Variants in KIF6 observed in about 807,000 individuals in gnomAD.
KIF6 encodes the protein kinesin family member 6.
KIF6 carries 106 observed loss-of-function variants against 112.7 expected under a neutral mutation model. That is an observed-to-expected ratio of 0.94 (90% CI 0.80 to 1.11). The LOEUF (loss-of-function observed/expected upper bound fraction) is 1.11, where lower values mean the gene tolerates loss of function less well. Among genes scored for constraint, KIF6 ranks in the 50% least tolerant of loss-of-function variants. The pLI is 0.00. For missense variants in KIF6, 929 were observed against 964.0 expected (o/e 0.96, Z 0.48); for synonymous variants, 339 against 339.9 (o/e 1.00, Z 0.03).
chr6:39,433,247 C>A (rs1358695729), intron 13 of KIF6, among the ~76,000 whole-genome samples: 1 of 152,212 alleles, frequency 6.6e-6, no homozygotes, highest in Non-Finnish European at 1.5e-5. Context: ...CACGAAACAA[C>A]ATGAAACACA....
At chr6:39,453,742 A>G (rs545748197) in intron 13 of KIF6, among the ~76,000 whole-genome samples, 3 of 152,398 alleles carry the variant, frequency 2.0e-5, no homozygotes, top group East Asian at 3.9e-4. Context: ...TATAACAGTC[A>G]TTAATCACCT....
At chr6:39,467,065 G>A (rs969281429) in intron 13 of KIF6, among the ~76,000 whole-genome samples, 7 of 152,198 alleles carry the variant, frequency 4.6e-5, no homozygotes, top group African/African-American at 1.7e-4. Flanking sequence ...ACAACAGAGA[G>A]CTTTATAGCT....
rs147432294 is a variant in KIF6 at position 39,546,406 on chromosome 6, T to A, written c.1182-718A>T. ...ACCTCTTTTCCCTTAATCATCTCTTTATCTCCTCTCTATACTGACTCCTTC... is the reference window on the plus strand; with the variant it reads ...ACCTCTTTTCCCTTAATCATCTCTTAATCTCCTCTCTATACTGACTCCTTC... On this transcript the variant is annotated intron_variant, in intron 10 of 22. Coordinates refer to ENST00000287152, the MANE Select transcript of KIF6 (RefSeq NM_145027.6). 1.5e-3 allele frequency among the ~76,000 whole-genome samples: 226 copies of A among 152,342 alleles called. 1 individual carries two copies. Among genetic ancestry groups the A allele is most frequent in the African/African-American group, 4.9e-3 (205 of 41,568 alleles).
intron 13 of KIF6, among the ~76,000 whole-genome samples, chr6:39,514,270 A>T (rs935881118): frequency 6.6e-6 from 1 of 152,234 alleles, no homozygotes; most frequent in Non-Finnish European, 1.5e-5. Flanking sequence ...AAAGTCGAAG[A>T]TTTTAAGAAC....
intron 4 of KIF6, among the ~76,000 whole-genome samples, chr6:39,637,959 G>C (rs894651594): frequency 6.6e-6 from 1 of 151,944 alleles, no homozygotes; most frequent in Non-Finnish European, 1.5e-5. Flanking sequence ...TAAGTACTAA[G>C]GAGACATTTA....
At chr6:39,371,019 T>A (rs556881450) in intron 16 of KIF6, among the ~76,000 whole-genome samples, 64 of 152,170 alleles carry the variant, frequency 4.2e-4, no homozygotes, top group Non-Finnish European at 7.1e-4. Context: ...TGCTGGTAAG[T>A]GTTTAACAAC....
At chr6:39,433,936 C>T (rs1388137516) in intron 13 of KIF6, among the ~76,000 whole-genome samples, 1 of 152,120 alleles carries the variant, frequency 6.6e-6, no homozygotes, top group Non-Finnish European at 1.5e-5. Context: ...CACTTCTCAC[C>T]CCATTTTGGG....
chr6:39,481,503 C>T (rs1029588624), intron 13 of KIF6, among the ~76,000 whole-genome samples: 1 of 152,150 alleles, frequency 6.6e-6, no homozygotes, highest in African/African-American at 2.4e-5. Context: ...TACATAAGAG[C>T]CTTTTAAACG....
chr6:39,343,660 T>G lies in KIF6; in HGVS notation c.2428+49A>C. The G allele has an allele frequency of 7.1e-7, 1 of 1,414,648 alleles. No individual in the cohort carries two copies. The highest frequency in any genetic ancestry group is 9.8e-7 in the Non-Finnish European group (1 of 1,019,852). 87.6% of individuals were successfully genotyped at this position (1,414,648 alleles called of 1,614,324 possible). On this transcript the variant is annotated intron_variant, in intron 22 of 22. Transcript: ENST00000287152. This position sits in a 1 kb window ranked among gnomAD's most constrained non-coding sequence, Gnocchi z 4.1. ...CACCTCACTGTGTGCTCCCCACAAG[T>G]GTTGGTGACCTGCTGCCCAGGAGGA...
chr6:39,356,022 G>T (rs1340584237), intron 19 of KIF6, among the ~76,000 whole-genome samples: 1 of 151,576 alleles, frequency 6.6e-6, no homozygotes, highest in East Asian at 1.9e-4. Context: ...TCCCACCCAG[G>T]ACGCCACTTT....
intron 3 of KIF6, among the ~76,000 whole-genome samples, chr6:39,647,330 A>G (rs1785219050): frequency 6.6e-6 from 1 of 152,108 alleles, no homozygotes; most frequent in Non-Finnish European, 1.5e-5. Context: ...AAGCTTTCTT[A>G]GTCCCTCTTA....
chr6:39,702,143 CCTAA>C (rs1203793858), intron 3 of KIF6, among the ~76,000 whole-genome samples: 1 of 152,152 alleles, frequency 6.6e-6, no homozygotes, highest in Non-Finnish European at 1.5e-5. Context: ...TCTGCTGATT[CCTAA>C]CTGTCATCTC....
chr6:39,499,226 G>A (rs1361080601), intron 13 of KIF6, among the ~76,000 whole-genome samples: 1 of 152,146 alleles, frequency 6.6e-6, no homozygotes, highest in Non-Finnish European at 1.5e-5. Flanking sequence ...AAGGGTAGTA[G>A]AGAGCCAGGG....
rs1272114507 is a variant in KIF6, at chr6:39,343,637, C to A, written c.2428+72G>T. On this transcript the variant is annotated intron_variant, in intron 22 of 22. Transcript: ENST00000287152. This position sits in a 1 kb window ranked among gnomAD's most constrained non-coding sequence, Gnocchi z 4.1. ...CAGGAAACTCCCTACTCCCCTCCCACCTCACTGTGTGCTCCCCACAAGTGT... is the reference window on the plus strand; with the variant it reads ...CAGGAAACTCCCTACTCCCCTCCCAACTCACTGTGTGCTCCCCACAAGTGT... The A allele has an allele frequency of 7.7e-7, 1 of 1,295,500 alleles. No individual in the cohort carries two copies. Among genetic ancestry groups the A allele is most frequent in the Middle Eastern group, 1.9e-4 (1 of 5,214 alleles). The allele number at this position is 1,295,500 out of a possible 1,614,324, so 80.3% of individuals were successfully genotyped here. A position where few individuals can be genotyped will look rare whatever the true frequency, so the allele number is the denominator to read the frequency against.
In KIF6 at chr6:39,725,129, G is replaced by C; in HGVS notation, c.66+116C>G. On this transcript the variant is annotated intron_variant, in intron 1 of 22. Transcript: ENST00000287152. ...GGTCAGTGTGTGCGGGATTCCGGGC[G>C]GCCTCGGCGCCCACCAGCAAGCCCC... The C allele has an allele frequency of 6.8e-6, 5 of 730,502 alleles. No individual in the cohort carries two copies. In the South Asian group the frequency reaches 9.8e-5, roughly 14 times the overall value. The allele number at this position is 730,502 out of a possible 1,614,324, so 45.3% of individuals were successfully genotyped here. A position where few individuals can be genotyped will look rare whatever the true frequency, so the allele number is the denominator to read the frequency against.
chr6:39,442,231 T>C (rs1771960876), intron 13 of KIF6, among the ~76,000 whole-genome samples: 1 of 152,082 alleles, frequency 6.6e-6, no homozygotes, highest in Non-Finnish European at 1.5e-5. Flanking sequence ...CCTCCTGGAC[T>C]TTCCCTTGAG....
chr6:39,701,521 T>C (rs911807973), intron 3 of KIF6, among the ~76,000 whole-genome samples: 6 of 152,244 alleles, frequency 3.9e-5, no homozygotes, highest in Non-Finnish European at 8.8e-5. Flanking sequence ...TCCACAGATC[T>C]CCCCTGTTCA....
chr6:39,533,152 A>G (rs1778173259), intron 13 of KIF6, among the ~76,000 whole-genome samples: 1 of 152,234 alleles, frequency 6.6e-6, no homozygotes, highest in Non-Finnish European at 1.5e-5. Context: ...AGTGCCAGAC[A>G]GTGGGTGCAA....
intron 13 of KIF6, among the ~76,000 whole-genome samples, chr6:39,473,343 C>A (rs997514493): frequency 6.6e-6 from 1 of 152,062 alleles, no homozygotes; most frequent in Admixed American, 6.6e-5. Flanking sequence ...TGAACATGTG[C>A]GACAAAACCT....
Sources: gnomAD v4.1 joint callset for allele counts (sites outside exome capture counted in the v4.1 genomes callset) on GRCh38, gnomAD v4.1.1 for gene constraint, Gnocchi (gnomAD v3.1) non-coding constraint, MANE v1.5 for transcripts, NCBI Gene and HGNC (gene_info 2026-07-23, HGNC 2026-07-21) for gene names.